SPINK8: variants seen among roughly 807,000 people sequenced by gnomAD.
SPINK8 encodes serine peptidase inhibitor Kazal type 8 (putative), also known as serine protease inhibitor Kazal-type 8.
SPINK8 carries 12 observed loss-of-function variants against 14.4 expected under a neutral mutation model. That is an observed-to-expected ratio of 0.83 (90% CI 0.53 to 1.35). The LOEUF is 1.35. Among genes scored for constraint, SPINK8 ranks in the 40% most tolerant of loss-of-function variants. The pLI, the probability that SPINK8 is intolerant of heterozygous loss-of-function variation, is 0.00. For missense variants in SPINK8, 103 were observed against 117.0 expected (o/e 0.88, Z 0.55); for synonymous variants, 32 against 37.6 (o/e 0.85, Z 0.55).
intron 6 of SPINK8, among the ~76,000 whole-genome samples, chr3:48,311,505 A>G (rs2107083069): frequency 6.6e-6 from 1 of 152,348 alleles, no homozygotes; most frequent in South Asian, 2.1e-4. Context: ...AATAATTAAT[A>G]TAAAAATGAC....
intron 4 of SPINK8, among the ~76,000 whole-genome samples, chr3:48,321,625 C>T (rs1326803280): frequency 6.6e-6 from 1 of 151,606 alleles, no homozygotes; most frequent in African/African-American, 2.4e-5. Flanking sequence ...ACCTGCCTGG[C>T]CAACATGGTG....
chr3:48,327,306 A>G (rs1425045171), intron 4 of SPINK8, among the ~76,000 whole-genome samples: 1 of 152,272 alleles, frequency 6.6e-6, no homozygotes, highest in Non-Finnish European at 1.5e-5. Flanking sequence ...AATGTGGAAA[A>G]GCATGAATTT....
At chr3:48,322,175 A>T (rs1266836788) in intron 4 of SPINK8, among the ~76,000 whole-genome samples, 1 of 151,808 alleles carries the variant, frequency 6.6e-6, no homozygotes, top group East Asian at 1.9e-4. Context: ...ATTCACCTAA[A>T]GTTTACAGTT....
intron 4 of SPINK8, among the ~76,000 whole-genome samples, chr3:48,327,812 A>G (rs1352218730): frequency 6.6e-6 from 1 of 152,208 alleles, no homozygotes; most frequent in Admixed American, 6.5e-5. Context: ...GATTGAAGAC[A>G]AGTAGGAAAG....
intron 7 of SPINK8, among the ~76,000 whole-genome samples, chr3:48,309,079 G>A (rs1444596525): frequency 1.3e-5 from 2 of 152,224 alleles, no homozygotes; most frequent in Non-Finnish European, 2.9e-5. Context: ...TAATATGTGT[G>A]CTGGTCTGTA....
intron 4 of SPINK8, among the ~76,000 whole-genome samples, chr3:48,321,860 T>C (rs1489336817): frequency 6.6e-6 from 1 of 151,850 alleles, no homozygotes; most frequent in South Asian, 2.1e-4. Context: ...TCACCCAGGC[T>C]GGAGTGCATT....
intron 4 of SPINK8, among the ~76,000 whole-genome samples, chr3:48,327,181 A>G (rs1241068860): frequency 6.6e-6 from 1 of 152,240 alleles, no homozygotes; most frequent in African/African-American, 2.4e-5. Flanking sequence ...CTATTGTAGC[A>G]GTGGTACATG....
At chr3:48,309,429 C>T (rs1177313249) in intron 7 of SPINK8, among the ~76,000 whole-genome samples, 2 of 152,158 alleles carry the variant, frequency 1.3e-5, no homozygotes, top group African/African-American at 2.4e-5. Context: ...TTGGAAATGA[C>T]AGGGAAGAGC....
intron 4 of SPINK8, among the ~76,000 whole-genome samples, chr3:48,325,088 A>G (rs899774817): frequency 6.6e-6 from 1 of 152,032 alleles, no homozygotes; most frequent in African/African-American, 2.4e-5. Flanking sequence ...ATTTTGTCTG[A>G]TATTAGTATA....
chr3:48,312,274 G>A (rs2035932487), intron 6 of SPINK8, among the ~76,000 whole-genome samples: 3 of 152,216 alleles, frequency 2.0e-5, no homozygotes. Flanking sequence ...GGGTACCAAG[G>A]CCATTCAATG....
intron 1 of SPINK8, among the ~76,000 whole-genome samples, chr3:48,333,166 C>A (rs1012046167): frequency 1.3e-5 from 2 of 152,152 alleles, no homozygotes; most frequent in African/African-American, 4.8e-5. Flanking sequence ...TATGGCACTT[C>A]GCTCCATTTG....
At chr3:48,308,936 G>T (rs1412227310) in intron 7 of SPINK8, among the ~76,000 whole-genome samples, 1 of 152,206 alleles carries the variant, frequency 6.6e-6, no homozygotes, top group African/African-American at 2.4e-5. Flanking sequence ...AGCTCAGCAA[G>T]AATCTGACAG....
chr3:48,330,506 A>G (rs1026194853), intron 2 of SPINK8, among the ~76,000 whole-genome samples: 31 of 152,158 alleles, frequency 2.0e-4, no homozygotes, highest in Admixed American at 1.3e-4. Flanking sequence ...GAGACAGAGC[A>G]AAACTGTCTT....
chr3:48,320,594 G>GATGGCAGGGGCTGAAACTTGTC (rs1275215259), intron 5 of SPINK8, among the ~76,000 whole-genome samples: 1 of 152,080 alleles, frequency 6.6e-6, no homozygotes, highest in Non-Finnish European at 1.5e-5. Flanking sequence ...TGGTGCCTCA[G>GATGGCAGGGGCTGAAACTTGTC]ATGGCAGGGG....
At chr3:48,319,268 C>G (rs2036035728) in intron 6 of SPINK8, among the ~76,000 whole-genome samples, 1 of 152,164 alleles carries the variant, frequency 6.6e-6, no homozygotes, top group African/African-American at 2.4e-5. Context: ...AGGTCACACA[C>G]AGTGCCCTCA....
At chr3:48,320,167 AC>A (rs1167260579) in intron 5 of SPINK8, among the ~76,000 whole-genome samples, 3 of 151,384 alleles carry the variant, frequency 2.0e-5, no homozygotes, top group Non-Finnish European at 4.4e-5. Flanking sequence ...GCCCTCTGTA[AC>A]CTAACAATCA....
intron 4 of SPINK8, among the ~76,000 whole-genome samples, chr3:48,325,930 G>C (rs77857140): frequency 1.7e-5 from 2 of 116,516 alleles, no homozygotes; most frequent in African/African-American, 7.2e-5. Flanking sequence ...TTTTTTTTTT[G>C]AGACACTGGG....
Position 48,309,899 on chromosome 3 carries a change from C to G in SPINK8, c.282+5G>C. 2.1e-6 allele frequency: 3 copies of G among 1,453,656 alleles called. No individual in the cohort carries two copies. The highest frequency in any genetic ancestry group is 2.7e-6 in the Non-Finnish European group (3 of 1,105,546). 90.0% of individuals were successfully genotyped at this position (1,453,656 alleles called of 1,614,324 possible). A position where few individuals can be genotyped will look rare whatever the true frequency, so the allele number is the denominator to read the frequency against. On this transcript the variant is annotated splice_donor_5th_base_variant and intron_variant, in intron 7 of 7. Coordinates refer to ENST00000434006, the MANE Select transcript of SPINK8 (RefSeq NM_001080525.3). ...AAAATAAAAAATAAAAGTGTCTTTA[C>G]TTACACATTGTCCATCATACAGTTT...
chr3:48,320,208 G>C lies in SPINK8; in HGVS notation c.118-590C>G, dbSNP rs180963646. On this transcript the variant is annotated intron_variant, in intron 5 of 7. Coordinates refer to ENST00000434006, the MANE Select transcript of SPINK8 (RefSeq NM_001080525.3). Reference sequence around the variant, plus strand: ...TTTGTACCAACCCCAAAATGTGATTGGTAGGTTACAGAGAGCAGAAGTAGG... The same window carrying C: ...TTTGTACCAACCCCAAAATGTGATTCGTAGGTTACAGAGAGCAGAAGTAGG... Among the ~76,000 whole-genome samples, 345 of 151,984 alleles carry C rather than the reference G, an allele frequency of 2.3e-3. 1 individual carries two copies. Among genetic ancestry groups the C allele is most frequent in the Non-Finnish European group, 4.3e-3 (294 of 67,982 alleles).
Sources: allele counts gnomAD v4.1 joint callset (sites outside exome capture counted in the v4.1 genomes callset), GRCh38; gene constraint gnomAD v4.1.1; transcripts MANE v1.5; gene names NCBI Gene and HGNC (gene_info 2026-07-23, HGNC 2026-07-21).